The following EYS variants were observed in gnomAD, a reference collection of about 807,000 sequenced individuals.
EYS encodes the protein protein eyes shut homolog.
Under a neutral mutation model 282.1 loss-of-function variants are expected in EYS, and 250 were observed. The ratio of observed to expected loss-of-function variants is 0.89; its 90% CI spans 0.80 to 0.98. The LOEUF (loss-of-function observed/expected upper bound fraction) is 0.98. EYS is among the 50% of genes least tolerant of loss of function. The probability of loss-of-function intolerance (pLI) is 0.00; values close to 1 mark genes in which losing one functional copy is unlikely to be tolerated. For missense variants in EYS, 4,016 were observed against 3,709.0 expected, an observed-to-expected ratio of 1.08 and a Z score of -2.15; for synonymous variants, 1,355 against 1,282.9, an observed-to-expected ratio of 1.06 and a Z score of -1.20.
chr6:65,363,676 A>G (rs1190470186), intron 8 of EYS, among the ~76,000 whole-genome samples: 1 of 151,926 alleles, frequency 6.6e-6, no homozygotes, highest in Non-Finnish European at 1.5e-5. Context: ...CTCTTTTAAT[A>G]CAAGTCAAGT....
intron 22 of EYS, among the ~76,000 whole-genome samples, chr6:64,745,963 A>G (rs192724308): frequency 7.3e-4 from 111 of 152,264 alleles, no homozygotes; most frequent in Middle Eastern, 6.8e-3. Context: ...TCCAAAGGCT[A>G]GAGTGTACCT....
At chr6:64,866,945 C>A (rs1288593752) in intron 19 of EYS, among the ~76,000 whole-genome samples, 3 of 151,662 alleles carry the variant, frequency 2.0e-5, no homozygotes, top group South Asian at 2.1e-4. Context: ...TGATCTATCA[C>A]CTTCATATTC....
At chr6:65,415,143 G>A (rs575918758) in intron 5 of EYS, among the ~76,000 whole-genome samples, 1 of 152,198 alleles carries the variant, frequency 6.6e-6, no homozygotes, top group East Asian at 1.9e-4. Flanking sequence ...TAGTAGAACT[G>A]TTTCTATGGT....
At chr6:64,453,242 A>G in intron 26 of EYS, among the ~76,000 whole-genome samples, 1 of 152,160 alleles carries the variant, frequency 6.6e-6, no homozygotes, top group East Asian at 1.9e-4. Flanking sequence ...TGCAGCCAAA[A>G]TACACATGAA....
rs1000903519 is a variant in EYS, at chr6:65,672,419, A to G, written c.-447-32527T>C. On this transcript the variant is annotated intron_variant, in intron 1 of 42. Transcript: ENST00000503581. ...GTAAAATCTCCCTAATTAGGAATTT[A>G]CAAATTCACAGAAAACATTTGAGAG... Among the ~76,000 whole-genome samples, 6 of 152,264 alleles carry G rather than the reference A, an allele frequency of 3.9e-5. No homozygotes were observed. The South Asian group carries it at 1.2e-3, about 32-fold the overall frequency.
At chr6:64,043,400 T>C (rs1770478094) in intron 33 of EYS, among the ~76,000 whole-genome samples, 1 of 152,208 alleles carries the variant, frequency 6.6e-6, no homozygotes, top group South Asian at 2.1e-4. Flanking sequence ...CATGGGGACA[T>C]CTAGATTGCA....
intron 22 of EYS, among the ~76,000 whole-genome samples, chr6:64,811,350 G>A (rs983673644): frequency 2.6e-5 from 4 of 151,596 alleles, no homozygotes; most frequent in African/African-American, 9.7e-5. Context: ...GAATGCCTAT[G>A]CTTATCCCTG....
intron 11 of EYS, among the ~76,000 whole-genome samples, chr6:65,320,156 A>C (rs946340003): frequency 2.6e-5 from 4 of 152,104 alleles, no homozygotes; most frequent in African/African-American, 7.2e-5. Flanking sequence ...CAGGAAAAAA[A>C]AAACACACAC....
At chr6:63,746,368 T>C (rs1769210654) in intron 41 of EYS, among the ~76,000 whole-genome samples, 1 of 152,184 alleles carries the variant, frequency 6.6e-6, no homozygotes, top group African/African-American at 2.4e-5. Context: ...TCATCAGGGA[T>C]ATTGGTCTAA....
Position 65,477,444 on chromosome 6 carries a change from C to T in EYS, c.862+13150G>A, listed in dbSNP as rs370343773. ...CAGAAATTACTTAATATAGGAAAAACGTCAGTCATTTTTCAGGCAGTCATG... is the reference window on the plus strand; with the variant it reads ...CAGAAATTACTTAATATAGGAAAAATGTCAGTCATTTTTCAGGCAGTCATG... On this transcript the variant is annotated intron_variant, in intron 5 of 42. Coordinates refer to ENST00000503581, the MANE Select transcript of EYS (RefSeq NM_001142800.2). Among the ~76,000 whole-genome samples the T allele has an allele frequency of 7.2e-5, 11 of 152,214 alleles. No homozygotes were observed. The South Asian group carries it at 1.0e-3, about 14-fold the overall frequency.
At chr6:64,729,664 A>T (rs1771888784) in intron 22 of EYS, among the ~76,000 whole-genome samples, 1 of 152,182 alleles carries the variant, frequency 6.6e-6, no homozygotes, top group South Asian at 2.1e-4. Context: ...GTTTGGTATA[A>T]AAGTAATCAT....
chr6:64,376,653 G>A (rs1772570011), intron 29 of EYS, among the ~76,000 whole-genome samples: 1 of 152,122 alleles, frequency 6.6e-6, no homozygotes, highest in Non-Finnish European at 1.5e-5. Flanking sequence ...TAACCTATCA[G>A]ACATCGCCTC....
intron 12 of EYS, among the ~76,000 whole-genome samples, chr6:65,278,627 A>G (rs959055752): frequency 3.9e-5 from 6 of 151,914 alleles, no homozygotes; most frequent in African/African-American, 1.5e-4. Context: ...TTTAATTTGA[A>G]TTAAACACAA....
chr6:64,543,653 C>G (rs752327877), intron 26 of EYS, among the ~76,000 whole-genome samples: 1 of 152,094 alleles, frequency 6.6e-6, no homozygotes, highest in Admixed American at 6.6e-5. Context: ...CTTTACCAAA[C>G]ACTATTTGCA....
intron 5 of EYS, among the ~76,000 whole-genome samples, chr6:65,430,294 A>G (rs1315720931): frequency 1.3e-5 from 2 of 152,106 alleles, no homozygotes; most frequent in Non-Finnish European, 2.9e-5. Context: ...AGAAAGAAAA[A>G]CCAGACCGAA....
intron 12 of EYS, among the ~76,000 whole-genome samples, chr6:65,163,536 G>A (rs1398894399): frequency 6.6e-6 from 1 of 151,154 alleles, no homozygotes; most frequent in Non-Finnish European, 1.5e-5. Flanking sequence ...TCAATGGTGA[G>A]GGGACGAGCG....
At chr6:64,398,951 C>T (rs1357584697) in intron 28 of EYS, among the ~76,000 whole-genome samples, 1 of 151,710 alleles carries the variant, frequency 6.6e-6, no homozygotes, top group Non-Finnish European at 1.5e-5. Flanking sequence ...TACAATTAAA[C>T]TGTTAAAAAT....
chr6:65,612,111 G>A (rs560329310), intron 2 of EYS, among the ~76,000 whole-genome samples: 1 of 151,686 alleles, frequency 6.6e-6, no homozygotes, highest in East Asian at 1.9e-4. Flanking sequence ...TTTAGACATA[G>A]CCAGCATTTT....
At chr6:63,744,039 G>T (rs1364469618) in intron 41 of EYS, 1 of 152,176 alleles carries the variant, frequency 6.6e-6, no homozygotes, top group Admixed American at 6.5e-5. Flanking sequence ...TTTAGGTTTT[G>T]AAAATAGTGA....
Sources: allele counts gnomAD v4.1 joint callset (sites outside exome capture counted in the v4.1 genomes callset), GRCh38; gene constraint gnomAD v4.1.1; transcripts MANE v1.5; gene names NCBI Gene and HGNC (gene_info 2026-07-23, HGNC 2026-07-21).